The following HEMK2 variants were observed in gnomAD, a reference collection of about 807,000 sequenced individuals.
HEMK2 encodes the protein methyltransferase HEMK2.
chr21:28,711,068 T>C, the HEMK2 span, among the ~76,000 whole-genome samples: 1 of 152,160 alleles, frequency 6.6e-6, no homozygotes, highest in Admixed American at 6.6e-5. Flanking sequence ...AAATACTAGA[T>C]CCTGATTTTT....
chr21:28,580,221 C>A, the HEMK2 span, among the ~76,000 whole-genome samples: 1 of 152,100 alleles, frequency 6.6e-6, no homozygotes, highest in Non-Finnish European at 1.5e-5. Context: ...AGAAGCAAGC[C>A]ATTCTCCCCC....
At chr21:28,634,134 C>T in the HEMK2 span, among the ~76,000 whole-genome samples, 1 of 152,166 alleles carries the variant, frequency 6.6e-6, no homozygotes, top group Admixed American at 6.5e-5. Flanking sequence ...AGCTTTATCT[C>T]ATTAAAAATT....
At chr21:28,839,575 G>A in the HEMK2 span, among the ~76,000 whole-genome samples, 4 of 151,934 alleles carry the variant, frequency 2.6e-5, no homozygotes, top group South Asian at 4.2e-4. Context: ...CATACACCAA[G>A]AGCAACCAAG....
the HEMK2 span, among the ~76,000 whole-genome samples, chr21:28,843,499 T>C: frequency 1.3e-5 from 2 of 152,168 alleles, no homozygotes; most frequent in Admixed American, 6.5e-5. Flanking sequence ...AGGTAGCACA[T>C]GTGCAATTCA....
chr21:28,657,149 A>C, the HEMK2 span, among the ~76,000 whole-genome samples: 1 of 152,054 alleles, frequency 6.6e-6, no homozygotes, highest in Non-Finnish European at 1.5e-5. Flanking sequence ...TATTGTAAAA[A>C]CTTCCTAAAA....
chr21:28,780,601 G>A, the HEMK2 span, among the ~76,000 whole-genome samples: 6 of 152,044 alleles, frequency 3.9e-5, no homozygotes, highest in African/African-American at 7.2e-5. Flanking sequence ...GTGAGCCACC[G>A]CGCCCAGCCA....
At chr21:28,810,039 G>A in the HEMK2 span, among the ~76,000 whole-genome samples, 1 of 152,156 alleles carries the variant, frequency 6.6e-6, no homozygotes, top group East Asian at 1.9e-4. Flanking sequence ...CTGAATGCCT[G>A]GAGCCTCCAT....
At chr21:28,841,499 G>T in the HEMK2 span, among the ~76,000 whole-genome samples, 2 of 125,194 alleles carry the variant, frequency 1.6e-5, no homozygotes, top group South Asian at 4.7e-4. Context: ...AAAAATGAAT[G>T]AATTAACAGC....
chr21:28,690,432 T>C, the HEMK2 span, among the ~76,000 whole-genome samples: 1 of 152,196 alleles, frequency 6.6e-6, no homozygotes, highest in African/African-American at 2.4e-5. Context: ...TCTAGCCTTA[T>C]GAGACTCATA....
chr21:28,622,277 G>A, the HEMK2 span, among the ~76,000 whole-genome samples: 1 of 152,172 alleles, frequency 6.6e-6, no homozygotes. Flanking sequence ...TACAACAGAT[G>A]TGAAGAAACT....
chr21:28,597,034 C>G, the HEMK2 span, among the ~76,000 whole-genome samples: 1 of 152,134 alleles, frequency 6.6e-6, no homozygotes. Flanking sequence ...GATTCCTACT[C>G]TTTCAGTCAC....
the HEMK2 span, among the ~76,000 whole-genome samples, chr21:28,864,848 TA>T: frequency 1.9e-4 from 23 of 121,862 alleles, no homozygotes; most frequent in South Asian, 9.7e-4. Context: ...GATAGATAGA[TA>T]GATAGATAGA....
At chr21:28,656,963 C>T in the HEMK2 span, among the ~76,000 whole-genome samples, 2 of 152,032 alleles carry the variant, frequency 1.3e-5, no homozygotes, top group Non-Finnish European at 2.9e-5. Flanking sequence ...ATATTTGTGA[C>T]AATTCTGTTT....
chr21:28,795,783 G>C, the HEMK2 span, among the ~76,000 whole-genome samples: 1 of 152,274 alleles, frequency 6.6e-6, no homozygotes, highest in East Asian at 1.9e-4. Context: ...AAAACTTAGA[G>C]GCTGATCGAA....
the HEMK2 span, among the ~76,000 whole-genome samples, chr21:28,881,252 A>G: frequency 6.6e-6 from 1 of 152,174 alleles, no homozygotes; most frequent in East Asian, 1.9e-4. Flanking sequence ...TCTACCTCCC[A>G]TCATTCTCAA....
the HEMK2 span, among the ~76,000 whole-genome samples, chr21:28,699,999 A>T: frequency 6.6e-6 from 1 of 152,228 alleles, no homozygotes; most frequent in African/African-American, 2.4e-5. Context: ...CCAAAACTAA[A>T]TGCTAAATAA....
the HEMK2 span, among the ~76,000 whole-genome samples, chr21:28,654,732 T>C: frequency 5.3e-5 from 8 of 152,108 alleles, no homozygotes; most frequent in Non-Finnish European, 1.2e-4. Flanking sequence ...AGTTTTAGCA[T>C]AAAGCACCCA....
At chr21:28,627,722 A>G in the HEMK2 span, among the ~76,000 whole-genome samples, 1 of 152,206 alleles carries the variant, frequency 6.6e-6, no homozygotes, top group Non-Finnish European at 1.5e-5. Context: ...GAACTAAATC[A>G]AAAGGAAAAC....
the HEMK2 span, among the ~76,000 whole-genome samples, chr21:28,772,593 A>G: frequency 6.6e-6 from 1 of 152,190 alleles, no homozygotes; most frequent in Non-Finnish European, 1.5e-5. Context: ...CATTTAATGT[A>G]TTTTCAAATT....
Sources: gnomAD v4.1 joint callset for allele counts (sites outside exome capture counted in the v4.1 genomes callset) on GRCh38, gnomAD v4.1.1 for gene constraint, MANE v1.5 for transcripts, NCBI Gene and HGNC (gene_info 2026-07-23, HGNC 2026-07-21) for gene names.